FCGR2A: variants seen among roughly 807,000 people sequenced by gnomAD.
FCGR2A encodes Fc gamma receptor IIa, also known as low affinity immunoglobulin gamma Fc region receptor II-a.
In FCGR2A, 18 loss-of-function variants were observed where a neutral mutation model predicts 29.3. That is an observed-to-expected ratio of 0.62 (90% CI 0.43 to 0.91). The LOEUF is 0.91. Among genes scored for constraint, FCGR2A ranks in the 40% least tolerant of loss-of-function variants. FCGR2A has a pLI of 0.00. For synonymous variants in FCGR2A, 126 were observed against 144.8 expected (o/e 0.87, Z 0.93); for missense variants, 287 against 393.0 (o/e 0.73, Z 2.28).
At chr1:161,523,605 C>T (rs41297644), downstream of FCGR2A, 25 of 152,260 alleles carry the variant, frequency 1.6e-4, no homozygotes, top group African/African-American at 4.8e-4. Flanking sequence ...AGGGACATCC[C>T]GACCGTACTC....
chr1:161,508,668 C>T (rs568304943), intron 3 of FCGR2A, among the ~76,000 whole-genome samples: 1 of 150,916 alleles, frequency 6.6e-6, no homozygotes, highest in African/African-American at 2.4e-5. Context: ...ATATTTATTC[C>T]TATGATACAG....
intron 5 of FCGR2A, among the ~76,000 whole-genome samples, chr1:161,512,232 G>T (rs1324640299): frequency 6.8e-6 from 1 of 147,528 alleles, no homozygotes; most frequent in Admixed American, 6.8e-5. Context: ...GGAGGAGGAG[G>T]CCTGGAAACC....
intron 5 of FCGR2A, among the ~76,000 whole-genome samples, chr1:161,511,617 T>G (rs1016867797): frequency 3.9e-5 from 6 of 152,112 alleles, no homozygotes; most frequent in African/African-American, 1.4e-4. Context: ...GAGCAGCCCC[T>G]GAGCAGGGGA....
chr1:161,510,978 C>T (rs1675740684), intron 5 of FCGR2A, 22 bp downstream of exon 5: 3 of 1,614,026 alleles, frequency 1.9e-6, no homozygotes, highest in Non-Finnish European at 2.5e-6. Context: ...CTCCCAGTCC[C>T]TTTTGTTATC....
At chr1:161,517,624 C>T (rs887431058) in intron 6 of FCGR2A, among the ~76,000 whole-genome samples, 37 of 152,108 alleles carry the variant, frequency 2.4e-4, no homozygotes, top group African/African-American at 5.8e-4. Flanking sequence ...TCTCTCTCTC[C>T]TGATTTTTCC....
At chr1:161,513,807 T>C (rs1675968527) in intron 5 of FCGR2A, 88 bp from the exon 6 acceptor site, 1 of 1,596,132 alleles carries the variant, frequency 6.3e-7, no homozygotes, top group South Asian at 1.1e-5. Flanking sequence ...GCTTTGAGTC[T>C]GGTTATGGTT....
downstream of FCGR2A, chr1:161,523,917 C>G (rs1053708365): frequency 1.3e-5 from 2 of 152,188 alleles, 1 homozygote; most frequent in Admixed American, 1.3e-4. Context: ...ACCACCAATG[C>G]TACTGTCAGC....
intron 6 of FCGR2A, among the ~76,000 whole-genome samples, chr1:161,516,576 T>C (rs1676159758): frequency 6.6e-6 from 1 of 152,070 alleles, no homozygotes; most frequent in African/African-American, 2.4e-5. Context: ...TTACTGTTTT[T>C]ATTATACCTA....
chr1:161,522,618 G>T (rs925730810), downstream of FCGR2A, among the ~76,000 whole-genome samples: 97 of 152,164 alleles, frequency 6.4e-4, no homozygotes, highest in Non-Finnish European at 2.6e-4. Context: ...TGGCATCCAG[G>T]TGTGACCAGC....
chr1:161,506,215 A>C lies in FCGR2A; in HGVS notation c.107-119A>C. On this transcript the variant is annotated intron_variant, in intron 2 of 6. Coordinates refer to ENST00000271450, the MANE Select transcript of FCGR2A (RefSeq NM_001136219.3). Reference sequence around the variant, plus strand: ...GGGAATGAGGCCGCTGCAAGTACAGATCTTGAACTACATCTACAATAGGAC... The same window carrying C: ...GGGAATGAGGCCGCTGCAAGTACAGCTCTTGAACTACATCTACAATAGGAC... 3 of 1,410,778 alleles carry C rather than the reference A, an allele frequency of 2.1e-6. No homozygotes were observed. In the South Asian group the frequency reaches 3.8e-5, roughly 18 times the overall value. The allele number at this position is 1,410,778 out of a possible 1,614,324, so 87.4% of individuals were successfully genotyped here.
intron 6 of FCGR2A, among the ~76,000 whole-genome samples, chr1:161,515,371 T>C (rs1676085312): frequency 1.3e-5 from 2 of 152,194 alleles, no homozygotes; most frequent in Non-Finnish European, 2.9e-5. Context: ...AATTTAACTC[T>C]TGTTATTGCA....
chr1:161,510,554 G>T lies in FCGR2A; in HGVS notation c.620-280G>T, dbSNP rs540284627. ...CCGTACTGTCCCCAGGGGCTAAGGG[G>T]AATCCTTCCCTCTGCTCCTGCATGC... On this transcript the variant is annotated intron_variant, in intron 4 of 6. Transcript: ENST00000271450. 5.3e-5 allele frequency among the ~76,000 whole-genome samples: 8 copies of T among 152,322 alleles called. No homozygotes were observed. The South Asian group carries it at 1.7e-3, about 32-fold the overall frequency.
At chr1:161,510,141 G>C in intron 4 of FCGR2A, 67 bp downstream of exon 4, 1 of 1,595,100 alleles carries the variant, frequency 6.3e-7, no homozygotes, top group Non-Finnish European at 8.6e-7. Flanking sequence ...AGGTCACATG[G>C]GCCTACATGG....
intron 5 of FCGR2A, among the ~76,000 whole-genome samples, chr1:161,512,861 G>T (rs547883065): frequency 5.4e-4 from 82 of 152,362 alleles, no homozygotes; most frequent in Middle Eastern, 3.4e-3. Context: ...GGCCAAAGCA[G>T]ATCTGGAAAA....
rs1469915021 is a variant in FCGR2A, at chr1:161,506,140, C to T, written c.106+133C>T. On this transcript the variant is annotated intron_variant, in intron 2 of 6. Coordinates refer to ENST00000271450, the MANE Select transcript of FCGR2A (RefSeq NM_001136219.3). ...CTTGGGTTCAGCATGGGCAGTTCCC[C>T]CATTTTAGTGGGGTCTGGGATTTGC... The T allele has an allele frequency of 5.5e-6, 7 of 1,264,190 alleles. No homozygotes were observed. In the Admixed American group the frequency reaches 1.2e-4, roughly 22 times the overall value. The allele number at this position is 1,264,190 out of a possible 1,614,324, so 78.3% of individuals were successfully genotyped here. A position where few individuals can be genotyped will look rare whatever the true frequency, so the allele number is the denominator to read the frequency against.
At chr1:161,505,745 G>A in intron 1 of FCGR2A, 193 bp downstream of exon 1, 1 of 710,142 alleles carries the variant, frequency 1.4e-6, no homozygotes. Context: ...CATAGTCCCT[G>A]GAAAGTCCAT....
At chr1:161,505,848 A>G (rs1260698333) in intron 1 of FCGR2A, 139 bp from the exon 2 acceptor site, 4 of 845,244 alleles carry the variant, frequency 4.7e-6, no homozygotes, top group Non-Finnish European at 6.1e-6. Flanking sequence ...TTTATAAAAG[A>G]TCAACTGGAA....
At chr1:161,523,964 C>G (rs182024819), downstream of FCGR2A, 32 of 154,614 alleles carry the variant, frequency 2.1e-4, no homozygotes, top group Admixed American at 9.5e-4. Context: ...AGCTCACTAT[C>G]TCTGGCCATT....
chr1:161,514,551 A>G (rs982840350), intron 6 of FCGR2A: 5 of 159,050 alleles, frequency 3.1e-5, no homozygotes, highest in African/African-American at 1.2e-4. Context: ...ATAGGTACCC[A>G]TTAAGCCCAT....
Sources: allele counts gnomAD v4.1 joint callset (sites outside exome capture counted in the v4.1 genomes callset), GRCh38; gene constraint gnomAD v4.1.1; transcripts MANE v1.5; gene names NCBI Gene and HGNC (gene_info 2026-07-23, HGNC 2026-07-21).